CPLX1: variants seen among roughly 807,000 people sequenced by gnomAD.
The protein encoded by CPLX1 is complexin-1.
Under a neutral mutation model 15.6 loss-of-function variants are expected in CPLX1, and 6 were observed. The ratio of observed to expected loss-of-function variants is 0.39; its 90% CI spans 0.21 to 0.76. The LOEUF (loss-of-function observed/expected upper bound fraction) is 0.76. Ranked by LOEUF, CPLX1 falls within the 30% of genes least tolerant of loss-of-function variation. CPLX1 has a pLI of 0.43. For synonymous variants in CPLX1, 91 were observed against 75.2 expected (o/e 1.21, Z -1.08); for missense variants, 242 against 188.6 (o/e 1.28, Z -1.66).
At chr4:801,241 G>A (rs973677690) in intron 2 of CPLX1, among the ~76,000 whole-genome samples, 1 of 151,820 alleles carries the variant, frequency 6.6e-6, no homozygotes, top group African/African-American at 2.4e-5. Context: ...AGAATTGCTT[G>A]AACCTGGGAG....
intron 2 of CPLX1, among the ~76,000 whole-genome samples, chr4:809,121 T>C (rs1746611194): frequency 6.6e-6 from 1 of 152,264 alleles, no homozygotes; most frequent in African/African-American, 2.4e-5. Flanking sequence ...TCAGTGGGGC[T>C]CATTTTAGCA....
intron 2 of CPLX1, 102 bp downstream of exon 2, chr4:824,390 G>A (rs1456820243): frequency 2.2e-5 from 24 of 1,077,144 alleles, no homozygotes; most frequent in Non-Finnish European, 3.1e-5. Flanking sequence ...GTGGCCGTGT[G>A]GCTGCAGGGG....
intron 2 of CPLX1, among the ~76,000 whole-genome samples, chr4:797,650 T>C (rs1746368785): frequency 6.7e-6 from 1 of 148,162 alleles, no homozygotes; most frequent in African/African-American, 2.5e-5. Context: ...AGACTTACTG[T>C]AGGCCGGGCG....
At position 786,152 on chromosome 4, in the gene CPLX1, A is replaced by C; in HGVS notation, c.*349T>G. On this transcript the variant is annotated 3_prime_UTR_variant, in exon 4 of 4. Coordinates refer to ENST00000304062, the MANE Select transcript of CPLX1 (RefSeq NM_006651.4). ...GGCTGTGCTCCTGAGTGCGGGCCCG[A>C]CAGGCGCCCACCGCCGCGAACGCGC... 5.8e-6 allele frequency: 1 copy of C among 172,198 alleles called. No individual in the cohort carries two copies. The highest frequency in any genetic ancestry group is 1.6e-4 in the East Asian group (1 of 6,416). 10.7% of individuals were successfully genotyped at this position (172,198 alleles called of 1,614,324 possible). A position where few individuals can be genotyped will look rare whatever the true frequency, so the allele number is the denominator to read the frequency against.
chr4:785,872 T>C lies in CPLX1; in HGVS notation c.*629A>G, dbSNP rs1745968242. On this transcript the variant is annotated 3_prime_UTR_variant, in exon 4 of 4. Transcript: ENST00000304062. Reference sequence around the variant, plus strand: ...GGGGCTGGGCGTCCCCCAAACCTATTGCTTTGTTTCCTTTAGTTTAGAAGT... The same window carrying C: ...GGGGCTGGGCGTCCCCCAAACCTATCGCTTTGTTTCCTTTAGTTTAGAAGT... 7.9e-5 allele frequency: 12 copies of C among 152,166 alleles called. No individual in the cohort carries two copies. The highest frequency in any genetic ancestry group is 7.9e-4 in the Admixed American group (12 of 15,278). 9.4% of individuals were successfully genotyped at this position (152,166 alleles called of 1,614,324 possible).
chr4:820,661 G>T (rs988527396), intron 2 of CPLX1, among the ~76,000 whole-genome samples: 1 of 152,098 alleles, frequency 6.6e-6, no homozygotes, highest in African/African-American at 2.4e-5. Flanking sequence ...TTGTGGCTCA[G>T]GGCATCCCTG....
chr4:785,484 C>T lies in CPLX1; in HGVS notation c.*1017G>A, dbSNP rs1419614472. On this transcript the variant is annotated 3_prime_UTR_variant, in exon 4 of 4. Transcript: ENST00000304062. ...CTGTCAAGATAAAACTCATTAAATG[C>T]AAAGACCTCATTTACCTGAGATTCA... 6.6e-6 allele frequency: 1 copy of T among 152,554 alleles called. No homozygotes were observed. Among genetic ancestry groups the T allele is most frequent in the Non-Finnish European group, 1.5e-5 (1 of 68,036 alleles). The allele number at this position is 152,554 out of a possible 1,614,324, so 9.5% of individuals were successfully genotyped here.
intron 2 of CPLX1, among the ~76,000 whole-genome samples, chr4:793,527 G>A (rs1443021453): frequency 2.0e-5 from 3 of 152,218 alleles, no homozygotes; most frequent in Non-Finnish European, 4.4e-5. Context: ...GGGGAGCCCT[G>A]GCCCTCGGCA....
In CPLX1 at chr4:792,459, C is replaced by T. The variant is rs74519932; in HGVS notation, c.181G>A (p.Ala61Thr). The T allele has an allele frequency of 1.2e-6, 2 of 1,607,098 alleles. No individual in the cohort carries two copies. Among genetic ancestry groups the T allele is most frequent in the East Asian group, 2.2e-5 (1 of 44,578 alleles). The change falls in exon 3 of 4, where the codon GCC (alanine) becomes ACC (threonine). Residue 61 changes from alanine to threonine, a missense_variant. By Grantham distance (58) the Ala-to-Thr change is moderately conservative (BLOSUM62 0). Transcript: ENST00000304062. ...TTGTCTCGGATGCCCTGGCGCACGG[C>T]CTCGCGCTCCGCCTCCATCTTGGCG... Reference protein sequence around the residue: ...KYAKMEAEREAVRQGIRDKYG... With the variant: ...KYAKMEAERETVRQGIRDKYG...
rs1429000555 is a variant in CPLX1 at position 826,033 on chromosome 4, G to A, written c.-80+13C>T. On this transcript the variant is annotated intron_variant, in intron 1 of 3. Coordinates refer to ENST00000304062, the MANE Select transcript of CPLX1 (RefSeq NM_006651.4). ...CGGAGGCCGGGCGCGCGCTGCGCTC[G>A]GGGCGCGGTTACCTTCCCGGGGCGC... 2 of 150,572 alleles carry A rather than the reference G, an allele frequency of 1.3e-5. No homozygotes were observed. Among genetic ancestry groups the A allele is most frequent in the Admixed American group, 6.6e-5 (1 of 15,106 alleles). The allele number at this position is 150,572 out of a possible 1,614,324, so 9.3% of individuals were successfully genotyped here.
chr4:794,671 G>A (rs1470070039), intron 2 of CPLX1, among the ~76,000 whole-genome samples: 1 of 152,164 alleles, frequency 6.6e-6, no homozygotes, highest in Non-Finnish European at 1.5e-5. Flanking sequence ...CATGAGAAAA[G>A]CTAATTCACC....
chr4:822,474 C>G (rs1300580790), intron 2 of CPLX1, among the ~76,000 whole-genome samples: 2 of 152,156 alleles, frequency 1.3e-5, no homozygotes, highest in Non-Finnish European at 2.9e-5. Context: ...ACCTGTCTGT[C>G]CCTGTGCGTG....
chr4:809,800 T>C (rs969484340), intron 2 of CPLX1, among the ~76,000 whole-genome samples: 2 of 143,652 alleles, frequency 1.4e-5, no homozygotes, highest in African/African-American at 5.0e-5. Context: ...CCTGTCACTA[T>C]GGATTATGGG....
intron 2 of CPLX1, among the ~76,000 whole-genome samples, chr4:796,781 T>C (rs1746350554): frequency 6.6e-6 from 1 of 152,142 alleles, no homozygotes; most frequent in Non-Finnish European, 1.5e-5. Flanking sequence ...TTCTGTGAAA[T>C]CTGACAAGCT....
intron 2 of CPLX1, among the ~76,000 whole-genome samples, chr4:818,893 C>A (rs1277703811): frequency 6.6e-6 from 1 of 152,342 alleles, no homozygotes; most frequent in East Asian, 1.9e-4. Context: ...GAGGGTGGGG[C>A]CTCGCCTCAT....
At chr4:789,720 G>A (rs548187907) in intron 3 of CPLX1, among the ~76,000 whole-genome samples, 2 of 152,186 alleles carry the variant, frequency 1.3e-5, no homozygotes, top group Non-Finnish European at 2.9e-5. Context: ...GTGCAGGCGC[G>A]CTGCTCCTCT....
intron 2 of CPLX1, among the ~76,000 whole-genome samples, chr4:809,300 C>T (rs530248213): frequency 6.6e-6 from 1 of 152,356 alleles, no homozygotes; most frequent in South Asian, 2.1e-4. Flanking sequence ...TTGGGTAGGG[C>T]AGGAGTGCAC....
At chr4:815,283 T>C (rs1278877415) in intron 2 of CPLX1, among the ~76,000 whole-genome samples, 1 of 151,524 alleles carries the variant, frequency 6.6e-6, no homozygotes, top group Admixed American at 6.6e-5. Context: ...TGGTGGCAGG[T>C]GCCTGTAATC....
intron 2 of CPLX1, among the ~76,000 whole-genome samples, chr4:822,424 T>C (rs1457918782): frequency 3.3e-5 from 5 of 151,832 alleles, no homozygotes; most frequent in Non-Finnish European, 7.4e-5. Flanking sequence ...TTTCTCTCTC[T>C]CCCCTCTGCC....
Sources: allele counts gnomAD v4.1 joint callset (sites outside exome capture counted in the v4.1 genomes callset), GRCh38; gene constraint gnomAD v4.1.1; transcripts MANE v1.5; gene names NCBI Gene and HGNC (gene_info 2026-07-23, HGNC 2026-07-21).